Variants in SPATA31C1 observed in about 807,000 individuals in gnomAD.
SPATA31C1 encodes SPATA31 subfamily C member 1, also known as spermatogenesis-associated protein 31C1.
exon 5 of SPATA31C1, chr9:87,921,327 G>A: frequency 6.2e-7 from 1 of 1,611,992 alleles, no homozygotes; most frequent in Non-Finnish European, 8.5e-7. Context: ...AGAGTCTCTG[G>A]ATCTGATGCA....
chr9:87,916,866 A>G (rs1828737825), intron 1 of SPATA31C1, among the ~76,000 whole-genome samples: 2 of 73,402 alleles, frequency 2.7e-5, no homozygotes, highest in Admixed American at 3.0e-4. Context: ...GCGTGGTAGC[A>G]CATGCCTGTA....
rs1379603167 is a variant in SPATA31C1 at position 87,919,108 on chromosome 9, C to T, written n.523-183C>T. 3.2e-6 allele frequency: 4 copies of T among 1,254,590 alleles called. No individual in the cohort carries two copies. In the Admixed American group the frequency reaches 8.2e-5, roughly 26 times the overall value. The allele number at this position is 1,254,590 out of a possible 1,614,324, so 77.7% of individuals were successfully genotyped here. On this transcript the variant is annotated intron_variant and non_coding_transcript_variant, in intron 2 of 4. Transcript: ENST00000420021. ...TTTCTAAGAAAAGCAGTTTATCATC[C>T]ATTTAAACATGAGTGGGAGGGGAGA...
At chr9:87,923,384 A>G in exon 5 of SPATA31C1, 1 of 1,601,764 alleles carries the variant, frequency 6.2e-7, no homozygotes, top group South Asian at 1.1e-5. Flanking sequence ...GACATCCCCA[A>G]CTCTTGCTCC....
intron 2 of SPATA31C1, chr9:87,918,984 G>A (rs187264427): frequency 7.2e-6 from 3 of 413,900 alleles, no homozygotes; most frequent in East Asian, 6.8e-5. Flanking sequence ...TGGCCAGGCT[G>A]GTCTCAAACT....
chr9:87,922,546 C>G (rs1165416206), exon 5 of SPATA31C1: 1 of 1,610,664 alleles, frequency 6.2e-7, no homozygotes, highest in Non-Finnish European at 8.5e-7. Flanking sequence ...CCTCAAGTTT[C>G]TGCCGCTGTT....
At chr9:87,916,215 G>A (rs1195613677) in intron 1 of SPATA31C1, among the ~76,000 whole-genome samples, 1 of 138,862 alleles carries the variant, frequency 7.2e-6, no homozygotes, top group Non-Finnish European at 1.6e-5. Flanking sequence ...AGATACCAAT[G>A]GTGGTCAGAT....
At position 87,916,205 on chromosome 9, in the gene SPATA31C1, A is replaced by G. The variant is rs1828712639; in HGVS notation, n.189+1495A>G. On this transcript the variant is annotated intron_variant and non_coding_transcript_variant, in intron 1 of 4. Coordinates refer to ENST00000420021, the Ensembl canonical transcript of SPATA31C1. The stretch of plus-strand genomic sequence containing the variant: ...ATGGTAGACAATAAGAAAACCAATT[A>G]GATACCAATGGTGGTCAGATATGAA... 1.4e-5 allele frequency among the ~76,000 whole-genome samples: 2 copies of G among 140,750 alleles called. 1 individual carries two copies. Among genetic ancestry groups the G allele is most frequent in the Non-Finnish European group, 3.1e-5 (2 of 63,580 alleles). 92.3% of individuals were successfully genotyped at this position (140,750 alleles called of 152,430 possible). A position where few individuals can be genotyped will look rare whatever the true frequency, so the allele number is the denominator to read the frequency against.
chr9:87,916,243 C>T (rs1828714335), intron 1 of SPATA31C1, among the ~76,000 whole-genome samples: 2 of 130,908 alleles, frequency 1.5e-5, no homozygotes, highest in Non-Finnish European at 3.2e-5. Flanking sequence ...TGGAGGAAGA[C>T]TCCATCTCAA....
exon 5 of SPATA31C1, chr9:87,920,294 C>T: frequency 6.2e-7 from 1 of 1,613,912 alleles, no homozygotes; most frequent in Non-Finnish European, 8.5e-7. Flanking sequence ...TTGGTCAGCT[C>T]TCTGGTCCAG....
At chr9:87,922,574 G>A in exon 5 of SPATA31C1, 1 of 1,609,702 alleles carries the variant, frequency 6.2e-7, no homozygotes, top group Non-Finnish European at 8.5e-7. Context: ...TTCCAGATGG[G>A]CAAGCATCTG....
At chr9:87,922,546 C>T (rs1165416206) in exon 5 of SPATA31C1, 1 of 1,610,546 alleles carries the variant, frequency 6.2e-7, no homozygotes, top group Non-Finnish European at 8.5e-7. Context: ...CCTCAAGTTT[C>T]TGCCGCTGTT....
In SPATA31C1 at chr9:87,921,161, A is replaced by T. The variant is rs755685661; in HGVS notation, n.1551A>T. ...AACAACTAGAAGGTGGGTTGGCTTT[A>T]CCCTCTAGGGTCCAAAAATCTCAGG... is the stretch of plus-strand genomic sequence containing the variant. On this transcript the variant is annotated non_coding_transcript_exon_variant, in exon 5 of 5. Transcript: ENST00000420021. 8 of 1,611,680 alleles carry T rather than the reference A, an allele frequency of 5.0e-6. No homozygotes were observed. The African/African-American group carries it at 8.0e-5, about 16-fold the overall frequency.
At chr9:87,921,134 G>A in exon 5 of SPATA31C1, 2 of 1,611,766 alleles carry the variant, frequency 1.2e-6, no homozygotes, top group South Asian at 1.1e-5. Flanking sequence ...CTTTGTTGAG[G>A]AAACAACTAG....
chr9:87,920,815 G>A, exon 5 of SPATA31C1: 1 of 1,613,886 alleles, frequency 6.2e-7, no homozygotes, highest in Non-Finnish European at 8.5e-7. Flanking sequence ...AAAACCTGGT[G>A]CATCTTCAAC....
At position 87,921,188 on chromosome 9, in the gene SPATA31C1, C is replaced by T. The variant is rs776007414; in HGVS notation, n.1578C>T. 2.9e-5 allele frequency: 47 copies of T among 1,611,780 alleles called. No individual in the cohort carries two copies. In the East Asian group the frequency reaches 6.2e-4, roughly 21 times the overall value. ...CCTCTAGGGTCCAAAAATCTCAGGA[C>T]GTCTTTAGTGTCTCCACTCCTAACC... On this transcript the variant is annotated non_coding_transcript_exon_variant, in exon 5 of 5. Coordinates refer to ENST00000420021, the Ensembl canonical transcript of SPATA31C1.
chr9:87,923,338 A>G (rs1226120420), exon 5 of SPATA31C1: 2 of 1,602,208 alleles, frequency 1.2e-6, no homozygotes, highest in Non-Finnish European at 1.7e-6. Flanking sequence ...CAGCCCTTGA[A>G]AAGTGTCCGG....
intron 2 of SPATA31C1, 180 bp from the exon 2 acceptor site, chr9:87,919,075 T>A (rs1828774330): frequency 9.7e-7 from 1 of 1,029,846 alleles, no homozygotes; most frequent in African/African-American, 1.6e-5. Flanking sequence ...CGACCCCCTC[T>A]TCCTGTTTTT....
At chr9:87,915,506 G>A (rs1200308884) in intron 1 of SPATA31C1, among the ~76,000 whole-genome samples, 3 of 144,946 alleles carry the variant, frequency 2.1e-5, no homozygotes, top group Non-Finnish European at 3.1e-5. Context: ...GTTTCACCAT[G>A]GCCAGGCTGG....
chr9:87,921,627 G>A (rs775315758), exon 5 of SPATA31C1: 3 of 1,611,930 alleles, frequency 1.9e-6, no homozygotes, highest in Non-Finnish European at 2.5e-6. Context: ...AAGACGCACA[G>A]AGAGGAATCA....
Sources: allele counts gnomAD v4.1 joint callset (sites outside exome capture counted in the v4.1 genomes callset), GRCh38; gene constraint gnomAD v4.1.1; transcripts MANE v1.5; gene names NCBI Gene and HGNC (gene_info 2026-07-23, HGNC 2026-07-21).